SHLD1: variants seen among roughly 807,000 people sequenced by gnomAD.
The protein encoded by SHLD1 is RINN1-REV7-interacting novel NHEJ regulator 3.
Under a neutral mutation model 5.5 loss-of-function variants are expected in SHLD1, and 3 were observed. That is an observed-to-expected ratio of 0.54 (90% CI 0.25 to 1.40). The LOEUF (loss-of-function observed/expected upper bound fraction) is 1.40, where lower values mean the gene tolerates loss of function less well. Ranked by LOEUF, SHLD1 falls within the 40% of genes most tolerant of loss-of-function variation. The pLI is 0.15. For missense variants in SHLD1, 210 were observed against 244.4 expected (o/e 0.86, Z 0.94); for synonymous variants, 92 against 94.3 (o/e 0.98, Z 0.14).
chr20:5,778,914 G>C (rs1173286132), intron 2 of SHLD1, among the ~76,000 whole-genome samples: 1 of 152,124 alleles, frequency 6.6e-6, no homozygotes, highest in Non-Finnish European at 1.5e-5. Context: ...ACAAAAGTCA[G>C]TTAGGAGGCC....
intron 2 of SHLD1, among the ~76,000 whole-genome samples, chr20:5,785,435 T>C (rs1384706115): frequency 1.3e-5 from 2 of 152,180 alleles, no homozygotes; most frequent in Admixed American, 6.5e-5. Flanking sequence ...CTGGGTCAGG[T>C]TGACTGCAAA....
chr20:5,800,657 C>G (rs1164788227), intron 2 of SHLD1, among the ~76,000 whole-genome samples: 1 of 150,494 alleles, frequency 6.6e-6, no homozygotes, highest in Non-Finnish European at 1.5e-5. Context: ...CACTGCACCC[C>G]AGCCTGGGCA....
intron 2 of SHLD1, among the ~76,000 whole-genome samples, chr20:5,849,487 A>G (rs2087973673): frequency 6.6e-6 from 1 of 152,256 alleles, no homozygotes; most frequent in African/African-American, 2.4e-5. Context: ...GATGATTTCC[A>G]GCATCAAATC....
intron 1 of SHLD1, among the ~76,000 whole-genome samples, chr20:5,768,703 A>G (rs1450052082): frequency 6.6e-6 from 1 of 152,228 alleles, no homozygotes; most frequent in East Asian, 1.9e-4. Flanking sequence ...TTTCTTACAC[A>G]TACATCTTAC....
intron 2 of SHLD1, among the ~76,000 whole-genome samples, chr20:5,803,475 T>A (rs973999749): frequency 2.6e-5 from 4 of 152,132 alleles, no homozygotes; most frequent in African/African-American, 9.7e-5. Flanking sequence ...AGTCTGTAGA[T>A]CCTTTTGAAA....
intron 2 of SHLD1, among the ~76,000 whole-genome samples, chr20:5,826,824 C>A (rs1212275034): frequency 2.0e-5 from 3 of 152,142 alleles, no homozygotes; most frequent in Non-Finnish European, 4.4e-5. Flanking sequence ...TCTGTGAAAG[C>A]CTGGGGAAGA....
intron 2 of SHLD1, among the ~76,000 whole-genome samples, chr20:5,807,321 TCTTC>T (rs533225807): frequency 8.6e-4 from 130 of 151,934 alleles, no homozygotes; most frequent in African/African-American, 2.4e-3. Flanking sequence ...ATTCCTTCCT[TCTTC>T]CTTCCTTCCT....
At chr20:5,827,047 G>A (rs543885932) in intron 2 of SHLD1, among the ~76,000 whole-genome samples, 10 of 152,218 alleles carry the variant, frequency 6.6e-5, no homozygotes, top group Admixed American at 1.3e-4. Context: ...ATCAGCTCAA[G>A]TCCTGGTGGA....
intron 2 of SHLD1, among the ~76,000 whole-genome samples, chr20:5,801,894 G>C (rs2087299519): frequency 6.6e-6 from 1 of 152,100 alleles, no homozygotes; most frequent in Non-Finnish European, 1.5e-5. Flanking sequence ...AGTTACATAA[G>C]TCTCCACTAT....
chr20:5,849,372 GGAAA>G (rs2122488509), intron 2 of SHLD1, among the ~76,000 whole-genome samples: 1 of 152,012 alleles, frequency 6.6e-6, no homozygotes, highest in East Asian at 1.9e-4. Context: ...GTGAAAACAG[GGAAA>G]AGGAAAGGAG....
intron 2 of SHLD1, among the ~76,000 whole-genome samples, chr20:5,815,905 A>G (rs535051238): frequency 2.6e-5 from 4 of 152,226 alleles, no homozygotes; most frequent in Non-Finnish European, 5.9e-5. Context: ...ACATGGCAAA[A>G]TCCTGTCTCT....
rs1456693891 is a variant in SHLD1 at position 5,787,748 on chromosome 20, A to C, written c.178+14705A>C. Among the ~76,000 whole-genome samples the C allele has an allele frequency of 1.1e-4, 16 of 152,256 alleles. No homozygotes were observed. In the East Asian group the frequency reaches 3.1e-3, roughly 29 times the overall value. ...ATAAGTGAAACTTGATAAGGTTTAA[A>C]AATGGAGATCAAGTATTTATCACGG... On this transcript the variant is annotated intron_variant, in intron 2 of 2. Transcript: ENST00000303142.
At chr20:5,812,621 A>C (rs1272387670) in intron 2 of SHLD1, among the ~76,000 whole-genome samples, 2 of 152,210 alleles carry the variant, frequency 1.3e-5, no homozygotes, top group African/African-American at 4.8e-5. Flanking sequence ...TAGCTTTGCC[A>C]TGTGTATTAC....
At chr20:5,781,078 A>G (rs1265119978) in intron 2 of SHLD1, among the ~76,000 whole-genome samples, 1 of 152,050 alleles carries the variant, frequency 6.6e-6, no homozygotes, top group Admixed American at 6.6e-5. Flanking sequence ...ATATATGTCT[A>G]ATAAAGACAC....
At chr20:5,790,155 G>C (rs1182424135) in intron 2 of SHLD1, among the ~76,000 whole-genome samples, 1 of 152,138 alleles carries the variant, frequency 6.6e-6, no homozygotes, top group Non-Finnish European at 1.5e-5. Context: ...TCACTGGGGA[G>C]CTGGGGGGCA....
At chr20:5,860,298 A>G (rs530304041) in intron 2 of SHLD1, among the ~76,000 whole-genome samples, 2 of 152,338 alleles carry the variant, frequency 1.3e-5, no homozygotes, top group South Asian at 4.1e-4. Context: ...AAAGTAGGCC[A>G]GCAAAGGAAG....
intron 2 of SHLD1, among the ~76,000 whole-genome samples, chr20:5,812,816 G>A (rs1418339139): frequency 6.6e-6 from 1 of 152,108 alleles, no homozygotes; most frequent in Non-Finnish European, 1.5e-5. Flanking sequence ...TAGGGTCGGG[G>A]ATACACAGTG....
intron 2 of SHLD1, among the ~76,000 whole-genome samples, chr20:5,796,768 G>C (rs1227158554): frequency 2.0e-5 from 3 of 151,152 alleles, no homozygotes; most frequent in Non-Finnish European, 4.4e-5. Context: ...GGCGGAGGTT[G>C]CAGTGAGCCA....
chr20:5,863,472 G>A lies in SHLD1; in HGVS notation c.*9G>A, dbSNP rs374958074. On this transcript the variant is annotated 3_prime_UTR_variant, in exon 3 of 3. Coordinates refer to ENST00000303142, the MANE Select transcript of SHLD1 (RefSeq NM_152504.4). ...TAATGAAAGACCTGTAACTGGTGCC[G>A]GGCAGTGTGCAGGGTAGTAATGGAG... 103 of 1,584,184 alleles carry A rather than the reference G, an allele frequency of 6.5e-5. No individual in the cohort carries two copies. The highest frequency in any genetic ancestry group is 2.1e-4 in the South Asian group (18 of 83,942).
Sources: gnomAD v4.1 joint callset for allele counts (sites outside exome capture counted in the v4.1 genomes callset) on GRCh38, gnomAD v4.1.1 for gene constraint, MANE v1.5 for transcripts, NCBI Gene and HGNC (gene_info 2026-07-23, HGNC 2026-07-21) for gene names.